ACE: variants seen among roughly 807,000 people sequenced by gnomAD.
ACE encodes the protein angiotensin-converting enzyme.
A neutral mutation model predicts 162.3 loss-of-function variants in ACE; 122 were observed. The ratio of observed to expected loss-of-function variants is 0.75; its 90% CI spans 0.65 to 0.87. The LOEUF is 0.87. Among genes scored for constraint, ACE ranks in the 40% least tolerant of loss-of-function variants. The pLI is 0.00. For missense variants in ACE, 1,799 were observed against 1,735.1 expected (o/e 1.04, Z -0.65); for synonymous variants, 796 against 720.6 (o/e 1.10, Z -1.68).
At chr17:63,489,396 C>T (rs893982638) in intron 17 of ACE, among the ~76,000 whole-genome samples, 2 of 151,948 alleles carry the variant, frequency 1.3e-5, no homozygotes, top group Non-Finnish European at 1.5e-5. Context: ...TCCAGGAGAC[C>T]ACGGCACCCA....
chr17:63,490,706 A>G, intron 17 of ACE: 2 of 546,262 alleles, frequency 3.7e-6, no homozygotes, highest in Non-Finnish European at 6.7e-6. Flanking sequence ...GCTCACGGAC[A>G]GTGAAGACCA....
At chr17:63,480,283 G>T in intron 4 of ACE, 54 bp from the exon 5 acceptor site, 1 of 1,591,232 alleles carries the variant, frequency 6.3e-7, no homozygotes, top group Non-Finnish European at 8.6e-7. Context: ...ACAGCTGAGA[G>T]GCTGAGGTCC....
At chr17:63,496,190 C>T (rs551678237) in intron 22 of ACE, 80 of 689,516 alleles carry the variant, frequency 1.2e-4, no homozygotes, top group South Asian at 6.1e-4. Context: ...TACACAGGCA[C>T]GGCTAGGAAG....
chr17:63,481,538 CT>C (rs1485149590), intron 6 of ACE, 27 bp from the exon 7 acceptor site: 8 of 1,612,706 alleles, frequency 5.0e-6, no homozygotes, highest in Non-Finnish European at 6.8e-6. Context: ...TGGGCTCCCC[CT>C]GACCTGGCTC....
At chr17:63,480,069 G>C (rs2049681399) in intron 4 of ACE, among the ~76,000 whole-genome samples, 157 bp downstream of exon 4, 1 of 152,200 alleles carries the variant, frequency 6.6e-6, no homozygotes, top group Non-Finnish European at 1.5e-5. Context: ...CCTGCACCCA[G>C]TGTGCCTGGA....
rs754282348 is a variant in ACE, at chr17:63,494,544, C to T, written c.3380+74C>T. The T allele has an allele frequency of 4.0e-4, 547 of 1,353,678 alleles. 1 individual carries two copies. The highest frequency in any genetic ancestry group is 5.5e-4 in the Non-Finnish European group (525 of 956,482). The allele number at this position is 1,353,678 out of a possible 1,614,324, so 83.9% of individuals were successfully genotyped here. A position where few individuals can be genotyped will look rare whatever the true frequency, so the allele number is the denominator to read the frequency against. On this transcript the variant is annotated intron_variant, in intron 22 of 24. Transcript: ENST00000290866. Reference sequence around the variant, plus strand: ...TTTGTGTTTCAACTGCGGCCACTGCCCGGTCCACAAGCTCTGTCAGTCAGG... The same window carrying T: ...TTTGTGTTTCAACTGCGGCCACTGCTCGGTCCACAAGCTCTGTCAGTCAGG...
chr17:63,479,061 C>T lies in ACE; in HGVS notation c.472C>T (p.Leu158Phe). Residue 158 changes from leucine (L) to phenylalanine (F), a missense_variant, in exon 3 of 25, where the codon CTC (leucine) becomes TTC (phenylalanine). Leu to Phe is a conservative substitution (Grantham distance 22). Coordinates refer to ENST00000290866, the MANE Select transcript of ACE (RefSeq NM_000789.4). ...GATCTACTCCACCGCCAAGGTCTGCCTCCCCAACAAGACTGCCACCTGCTG... is the reference window on the plus strand; with the variant it reads ...GATCTACTCCACCGCCAAGGTCTGCTTCCCCAACAAGACTGCCACCTGCTG... ...SRIYSTAKVCLPNKTATCWSL... is the reference protein window; with the variant it reads ...SRIYSTAKVCFPNKTATCWSL... The T allele has an allele frequency of 2.5e-6, 4 of 1,613,744 alleles. No homozygotes were observed. The highest frequency in any genetic ancestry group is 3.4e-6 in the Non-Finnish European group (4 of 1,179,922).
In ACE at chr17:63,487,044, C is replaced by A. The variant is rs143843660; in HGVS notation, c.2276C>A (p.Pro759Gln). 3.7e-6 allele frequency: 6 copies of A among 1,613,446 alleles called. No individual in the cohort carries two copies. In the African/African-American group the frequency reaches 4.0e-5, roughly 11 times the overall value. Reference protein sequence around the residue: ...TTYSVATVCHPNGSCLQLEPD... With the variant: ...TTYSVATVCHQNGSCLQLEPD... ...TACAGCGTGGCCACTGTGTGCCACC[C>A]GAATGGCAGCTGCCTGCAGCTCGAG... The change falls in exon 15 of 25, where the codon CCG becomes CAG. Residue 759 changes from proline (P) to glutamine (Q), a missense_variant. Coordinates refer to ENST00000290866, the MANE Select transcript of ACE (RefSeq NM_000789.4).
rs1382876528 is a variant in ACE, at chr17:63,493,985, A to G, written c.3200A>G (p.Tyr1067Cys). Residue 1067 changes from tyrosine to cysteine, a missense_variant, in exon 21 of 25, where the codon TAC (tyrosine) becomes TGC (cysteine). Physicochemically the swap from Tyr to Cys is radical, Grantham distance 194. Coordinates refer to ENST00000290866, the MANE Select transcript of ACE (RefSeq NM_000789.4). ...AAGATCGCCTTTATCCCCTTCAGCTACCTCGTCGATCAGTGGCGCTGGAGG... is the reference window on the plus strand; with the variant it reads ...AAGATCGCCTTTATCCCCTTCAGCTGCCTCGTCGATCAGTGGCGCTGGAGG... The part of the protein sequence containing the change: ...LDKIAFIPFS[Y>C]LVDQWRWRVF... 6.2e-7 allele frequency: 1 copy of G among 1,613,926 alleles called. No individual in the cohort carries two copies. The highest frequency in any genetic ancestry group is 8.5e-7 in the Non-Finnish European group (1 of 1,180,026).
At chr17:63,487,662 C>T (rs1391622903) in intron 15 of ACE, among the ~76,000 whole-genome samples, 2 of 152,142 alleles carry the variant, frequency 1.3e-5, no homozygotes, top group African/African-American at 2.4e-5. Context: ...CCTTCTTACC[C>T]CGGCCCGTTT....
chr17:63,484,974 C>A lies in ACE; in HGVS notation c.1922-262C>A. 2 of 1,607,856 alleles carry A rather than the reference C, an allele frequency of 1.2e-6. No individual in the cohort carries two copies. Among genetic ancestry groups the A allele is most frequent in the Non-Finnish European group, 1.7e-6 (2 of 1,177,214 alleles). On this transcript the variant is annotated intron_variant, in intron 12 of 24. Transcript: ENST00000290866. The surrounding 1 kb of genome is among the most constrained non-coding windows in gnomAD (Gnocchi z 4.0). ...AGCCAGGAGGCATCCCAACAGGTGA[C>A]AGTCACCCATGGGACAAGCAGCCAG... is the stretch of plus-strand genomic sequence containing the variant.
Position 63,488,951 on chromosome 17 carries a change from T to C in ACE, c.2460T>C (p.Asp820=), listed in dbSNP as rs138035588. 410 of 1,613,980 alleles carry C rather than the reference T, an allele frequency of 2.5e-4. No homozygotes were observed. The highest frequency in any genetic ancestry group is 3.3e-4 in the Non-Finnish European group (390 of 1,180,034). The change falls in exon 17 of 25, where the codon GAT becomes GAC. Residue 820 remains aspartate, a synonymous_variant. Coordinates refer to ENST00000290866, the MANE Select transcript of ACE (RefSeq NM_000789.4). ...GTGTCCCCTCTGTAGGCTATGTAGA[T>C]GCAGGGGACTCGTGGAGGTCTATGT... ...NQAARLNGYV[D]AGDSWRSMYE...
At chr17:63,496,175 G>T in intron 22 of ACE, 2 of 611,088 alleles carry the variant, frequency 3.3e-6, no homozygotes, top group Non-Finnish European at 5.8e-6. Context: ...TGGGTGGGAG[G>T]CATCTACACA....
intron 13 of ACE, 178 bp from the exon 14 acceptor site, chr17:63,486,379 C>G: frequency 1.4e-6 from 1 of 696,232 alleles, no homozygotes; most frequent in Non-Finnish European, 2.5e-6. Context: ...AGGGTGAGTA[C>G]TGCATCCAGG....
chr17:63,483,567 G>GCGGGGCGCCCCCCCCCCCCCC lies in ACE; in HGVS notation c.1586+10_1586+11insGGGGCGCCCCCCCCCCCCCCC. 6.3e-7 allele frequency: 1 copy of GCGGGGCGCCCCCCCCCCCCCC among 1,589,578 alleles called. No individual in the cohort carries two copies. The highest frequency in any genetic ancestry group is 8.6e-7 in the Non-Finnish European group (1 of 1,165,686). On this transcript the variant is annotated intron_variant, in intron 10 of 24. Transcript: ENST00000290866. ...GTGACACCATACATCAGGTATTAGCGCCCCCACCCCACCCACCCCCAGTAC... is the reference window on the plus strand; with the variant it reads ...GTGACACCATACATCAGGTATTAGCGCGGGGCGCCCCCCCCCCCCCCCCCCCACCCCACCCACCCCCAGTAC...
intron 20 of ACE, 47 bp downstream of exon 20, chr17:63,493,706 G>C: frequency 1.9e-6 from 3 of 1,601,676 alleles, no homozygotes; most frequent in Non-Finnish European, 2.6e-6. Flanking sequence ...CCAAGAAAGG[G>C]TGGTGAGCTT....
Position 63,491,055 on chromosome 17 carries a change from C to G in ACE, c.2739+4C>G. The G allele has an allele frequency of 1.2e-6, 2 of 1,614,092 alleles. No homozygotes were observed. The highest frequency in any genetic ancestry group is 1.7e-6 in the Non-Finnish European group (2 of 1,180,008). On this transcript the variant is annotated splice_donor_region_variant and intron_variant, in intron 18 of 24. Transcript: ENST00000290866. This position sits in a 1 kb window ranked among gnomAD's most constrained non-coding sequence, Gnocchi z 4.4. ...CACAGAGGCTATGCTAAAGCAGGTC[C>G]GCACCAGCCCAGGGGCAGGGAGGCC...
intron 7 of ACE, 50 bp from the exon 8 acceptor site, chr17:63,482,416 C>T (rs1190946250): frequency 1.3e-6 from 2 of 1,557,970 alleles, no homozygotes; most frequent in South Asian, 2.3e-5. Context: ...CCTGGCCCTG[C>T]CCTGTTCTGT....
At chr17:63,477,895 G>A (rs1051275651) in intron 1 of ACE, 36 bp from the exon 2 acceptor site, 9 of 1,588,730 alleles carry the variant, frequency 5.7e-6, no homozygotes, top group African/African-American at 2.7e-5. Flanking sequence ...TCTAAGCAGG[G>A]TCCTACACCC....
Sources: allele counts gnomAD v4.1 joint callset (sites outside exome capture counted in the v4.1 genomes callset), GRCh38; gene constraint gnomAD v4.1.1; non-coding constraint Gnocchi (gnomAD v3.1); transcripts MANE v1.5; gene names NCBI Gene and HGNC (gene_info 2026-07-23, HGNC 2026-07-21).